Variants in ITGA8 observed in about 807,000 individuals in gnomAD.
ITGA8 encodes the protein integrin subunit alpha 8.
Under a neutral mutation model 142.3 loss-of-function variants are expected in ITGA8, and 91 were observed. The observed-to-expected ratio is 0.64, with a 90% CI of 0.54 to 0.76. The LOEUF (loss-of-function observed/expected upper bound fraction) is 0.76, where lower values mean the gene tolerates loss of function less well. Ranked by LOEUF, ITGA8 falls within the 30% of genes least tolerant of loss-of-function variation. The probability of loss-of-function intolerance (pLI) is 0.00; values close to 1 mark genes in which losing one functional copy is unlikely to be tolerated. For synonymous variants in ITGA8, 505 were observed against 485.2 expected (o/e 1.04, Z -0.54); for missense variants, 1,406 against 1,327.7 (o/e 1.06, Z -0.92).
chr10:15,575,516 A>T lies in ITGA8; in HGVS notation c.2451T>A (p.Val817=). ...PEEEPHKEEE[V]GPLVEHIYEL... is the part of the protein sequence containing the mutation. ...CATAAATATGTTCCACCAATGGTCC[A>T]ACCTCCTCCTCTTTGTGGGGCTCCT... Residue 817 remains valine, a synonymous_variant, in exon 24 of 30, where the codon GTT becomes GTA. Coordinates refer to ENST00000378076, the MANE Select transcript of ITGA8 (RefSeq NM_003638.3). The T allele has an allele frequency of 6.2e-7, 1 of 1,614,002 alleles. No individual in the cohort carries two copies. Among genetic ancestry groups the T allele is most frequent in the Non-Finnish European group, 8.5e-7 (1 of 1,179,862 alleles).
At position 15,531,415 on chromosome 10, in the gene ITGA8, T is replaced by C. The variant is rs9333236; in HGVS notation, c.2881-264A>G. 0.23 allele frequency among the ~76,000 whole-genome samples: 28,510 copies of C among 125,832 alleles called. 2,806 individuals are homozygous for C. Among genetic ancestry groups the C allele is most frequent in the Non-Finnish European group, 0.24 (13,464 of 55,440 alleles). 82.6% of individuals were successfully genotyped at this position (125,832 alleles called of 152,430 possible). On this transcript the variant is annotated intron_variant, in intron 27 of 29. Transcript: ENST00000378076. ...GCATCCATCTATCCAAGCATCCATCTATCCATCCATTTATCTTCTTCCTAT... is the reference window on the plus strand; with the variant it reads ...GCATCCATCTATCCAAGCATCCATCCATCCATCCATTTATCTTCTTCCTAT...
chr10:15,543,716 T>G (rs1380404352), intron 27 of ITGA8, among the ~76,000 whole-genome samples: 3 of 152,180 alleles, frequency 2.0e-5, no homozygotes, highest in Non-Finnish European at 4.4e-5. Flanking sequence ...GATGGAAGAT[T>G]ATTGATTTTA....
intron 28 of ITGA8, among the ~76,000 whole-genome samples, chr10:15,527,712 A>C (rs1164968287): frequency 6.6e-6 from 1 of 152,140 alleles, no homozygotes. Context: ...CTGAATTATG[A>C]CCGTGTTGAA....
At chr10:15,619,279 A>C (rs999424461) in intron 13 of ITGA8, among the ~76,000 whole-genome samples, 2 of 152,138 alleles carry the variant, frequency 1.3e-5, no homozygotes, top group Non-Finnish European at 2.9e-5. Flanking sequence ...CTAAGACACA[A>C]TAATACTTGT....
At chr10:15,532,517 A>C (rs2131543501) in intron 27 of ITGA8, among the ~76,000 whole-genome samples, 1 of 151,884 alleles carries the variant, frequency 6.6e-6, no homozygotes. Context: ...ACCTAGAGCC[A>C]AACAGTGTTT....
At chr10:15,528,043 G>A (rs1050205437) in intron 28 of ITGA8, among the ~76,000 whole-genome samples, 4 of 150,678 alleles carry the variant, frequency 2.7e-5, no homozygotes, top group Admixed American at 1.3e-4. Context: ...AGCCTCCTGA[G>A]TAGCTGGGAC....
intron 4 of ITGA8, among the ~76,000 whole-genome samples, chr10:15,683,402 C>T (rs1471818803): frequency 6.7e-6 from 1 of 150,310 alleles, no homozygotes; most frequent in African/African-American, 2.4e-5. Flanking sequence ...ACACAATGCC[C>T]CAAAGATGAC....
At chr10:15,701,628 T>G (rs971843045) in intron 2 of ITGA8, among the ~76,000 whole-genome samples, 1 of 152,128 alleles carries the variant, frequency 6.6e-6, no homozygotes, top group Non-Finnish European at 1.5e-5. Flanking sequence ...TGAGGAGAGA[T>G]CGCCCTGGGA....
chr10:15,619,652 A>G (rs970485712), intron 13 of ITGA8, among the ~76,000 whole-genome samples: 5 of 152,210 alleles, frequency 3.3e-5, no homozygotes, highest in African/African-American at 4.8e-5. Context: ...CAATTTTTCA[A>G]CTATGTTTAC....
At chr10:15,663,046 C>G (rs1271985744) in intron 8 of ITGA8, among the ~76,000 whole-genome samples, 1 of 152,134 alleles carries the variant, frequency 6.6e-6, no homozygotes, top group Non-Finnish European at 1.5e-5. Flanking sequence ...GGGTTCCGAT[C>G]CAGTGAGGCC....
intron 27 of ITGA8, among the ~76,000 whole-genome samples, chr10:15,539,695 G>A (rs1833529616): frequency 1.3e-5 from 2 of 152,062 alleles, no homozygotes; most frequent in South Asian, 4.2e-4. Context: ...CATTTTGGAG[G>A]TACATGTGAT....
At chr10:15,665,976 T>C (rs1588708900) in intron 8 of ITGA8, among the ~76,000 whole-genome samples, 1 of 152,288 alleles carries the variant, frequency 6.6e-6, no homozygotes, top group East Asian at 1.9e-4. Flanking sequence ...GTTCTTTTGG[T>C]TTAGGATTGA....
In ITGA8 at chr10:15,530,232, G is replaced by A. The variant is rs189673658; in HGVS notation, c.2982+818C>T. Among the ~76,000 whole-genome samples, 348 of 152,182 alleles carry A rather than the reference G, an allele frequency of 2.3e-3. 5 individuals are homozygous for A. Among genetic ancestry groups the A allele is most frequent in the African/African-American group, 8.2e-3 (339 of 41,532 alleles). On this transcript the variant is annotated intron_variant, in intron 28 of 29. Transcript: ENST00000378076. The stretch of plus-strand genomic sequence containing the variant: ...TGATAGATGTTTGGGTGTCAGTAAT[G>A]TTTAGTAGTTTCAGTTTTTAATAAA...
At chr10:15,694,721 C>G (rs546387776) in intron 2 of ITGA8, among the ~76,000 whole-genome samples, 1 of 67,604 alleles carries the variant, frequency 1.5e-5, no homozygotes, top group African/African-American at 4.4e-5. Context: ...ATGTATTTCT[C>G]TCTTAGGAAC....
intron 25 of ITGA8, among the ~76,000 whole-genome samples, chr10:15,563,653 G>A (rs762840845): frequency 3.9e-5 from 6 of 152,162 alleles, no homozygotes; most frequent in South Asian, 2.1e-4. Flanking sequence ...GGTGGCTCAC[G>A]CCGGTAATCC....
intron 22 of ITGA8, among the ~76,000 whole-genome samples, chr10:15,587,301 C>G (rs897889591): frequency 6.6e-6 from 1 of 152,158 alleles, no homozygotes; most frequent in Non-Finnish European, 1.5e-5. Flanking sequence ...TTGACAAATT[C>G]CTTAACATCT....
chr10:15,718,066 G>C (rs1344239778), intron 2 of ITGA8, among the ~76,000 whole-genome samples: 1 of 152,126 alleles, frequency 6.6e-6, no homozygotes, highest in Non-Finnish European at 1.5e-5. Flanking sequence ...TAAAGCATTC[G>C]GTGTTAATGT....
intron 24 of ITGA8, among the ~76,000 whole-genome samples, chr10:15,574,791 A>C (rs1045285419): frequency 6.6e-6 from 1 of 152,032 alleles, no homozygotes; most frequent in Non-Finnish European, 1.5e-5. Flanking sequence ...TTCAGTTTAA[A>C]AGATGAGTGG....
At chr10:15,602,564 C>T (rs1054650611) in intron 20 of ITGA8, among the ~76,000 whole-genome samples, 1 of 152,022 alleles carries the variant, frequency 6.6e-6, no homozygotes, top group African/African-American at 2.4e-5. Flanking sequence ...ATAGCAAAAC[C>T]CCCTCTCTAC....
Sources: gnomAD v4.1 joint callset for allele counts (sites outside exome capture counted in the v4.1 genomes callset) on GRCh38, gnomAD v4.1.1 for gene constraint, MANE v1.5 for transcripts, NCBI Gene and HGNC (gene_info 2026-07-23, HGNC 2026-07-21) for gene names.